Variants in TANC2 observed in about 807,000 individuals in gnomAD.
The protein encoded by TANC2 is tetratricopeptide repeat, ankyrin repeat and coiled-coil containing 2.
A neutral mutation model predicts 210.5 loss-of-function variants in TANC2; 26 were observed. The ratio of observed to expected loss-of-function variants is 0.12; its 90% confidence interval spans 0.09 to 0.17. The LOEUF (loss-of-function observed/expected upper bound fraction) is 0.17. Ranked by LOEUF, TANC2 falls within the 10% of genes least tolerant of loss-of-function variation. TANC2 has a pLI of 1.00. For synonymous variants in TANC2, 931 were observed against 967.1 expected, an observed-to-expected ratio of 0.96 and a Z score of 0.69; for missense variants, 2,129 against 2,608.9, an observed-to-expected ratio of 0.82 and a Z score of 4.01.
At chr17:63,170,751 T>C (rs1420393538) in intron 5 of TANC2, among the ~76,000 whole-genome samples, 1 of 152,206 alleles carries the variant, frequency 6.6e-6, no homozygotes, top group African/African-American at 2.4e-5. Context: ...TATTAACCAG[T>C]TGATTACTTG....
chr17:63,033,312 G>A (rs2034846844), intron 2 of TANC2, among the ~76,000 whole-genome samples: 1 of 152,166 alleles, frequency 6.6e-6, no homozygotes, highest in African/African-American at 2.4e-5. Flanking sequence ...AGTTTCCCCT[G>A]ATTTGATGAT....
intron 8 of TANC2, among the ~76,000 whole-genome samples, chr17:63,262,579 A>G (rs1229926115): frequency 6.6e-6 from 1 of 151,488 alleles, no homozygotes; most frequent in Non-Finnish European, 1.5e-5. Context: ...TTTCCCTGGT[A>G]GGATGTCCTA....
At chr17:63,258,417 A>G (rs1252852204) in intron 8 of TANC2, among the ~76,000 whole-genome samples, 1 of 152,204 alleles carries the variant, frequency 6.6e-6, no homozygotes, top group Non-Finnish European at 1.5e-5. Flanking sequence ...CCCTTTGAAT[A>G]AACATTCTAC....
At chr17:63,261,973 C>T (rs2043370786) in intron 8 of TANC2, among the ~76,000 whole-genome samples, 1 of 152,148 alleles carries the variant, frequency 6.6e-6, no homozygotes, top group Admixed American at 6.5e-5. Context: ...AATTATTCCT[C>T]AAACTCTGAC....
chr17:63,070,975 G>GA (rs1308677494), intron 2 of TANC2, among the ~76,000 whole-genome samples: 1 of 152,128 alleles, frequency 6.6e-6, no homozygotes, highest in Non-Finnish European at 1.5e-5. Context: ...CACTATAGGT[G>GA]AGTTAAAAAT....
chr17:63,055,098 A>G (rs1235868716), intron 2 of TANC2, among the ~76,000 whole-genome samples: 8 of 152,240 alleles, frequency 5.3e-5, no homozygotes, highest in Non-Finnish European at 1.5e-5. Context: ...GTTGCAGGAA[A>G]TAACACATTT....
Position 63,133,767 on chromosome 17 carries a change from A to C in TANC2, c.323-17503A>C, listed in dbSNP as rs569388633. Among the ~76,000 whole-genome samples, 4 of 152,324 alleles carry C rather than the reference A, an allele frequency of 2.6e-5. No homozygotes were observed. In the East Asian group the frequency reaches 7.7e-4, roughly 29 times the overall value. ...GAGTGCATTGTGTATTATTCTCAAA[A>C]CACTATTCTGAGATGATTTTCCTAA... On this transcript the variant is annotated intron_variant, in intron 4 of 27. Transcript: ENST00000689528.
At chr17:63,333,419 T>C (rs1168404960) in intron 11 of TANC2, among the ~76,000 whole-genome samples, 1 of 152,134 alleles carries the variant, frequency 6.6e-6, no homozygotes, top group Non-Finnish European at 1.5e-5. Context: ...AGGACTAGAA[T>C]TGTAAGTGGA....
intron 2 of TANC2, among the ~76,000 whole-genome samples, chr17:63,051,243 C>T (rs2035570886): frequency 6.6e-6 from 1 of 152,086 alleles, no homozygotes. Flanking sequence ...TGCTTCTTAC[C>T]CATACTTTCT....
At chr17:63,351,921 T>G (rs759998579) in intron 13 of TANC2, among the ~76,000 whole-genome samples, 36 of 152,262 alleles carry the variant, frequency 2.4e-4, no homozygotes, top group Non-Finnish European at 4.7e-4. Context: ...AGATTAAATT[T>G]ACTACAACTG....
At chr17:63,319,186 G>T in intron 11 of TANC2, 96 bp downstream of exon 11, 1 of 1,268,792 alleles carries the variant, frequency 7.9e-7, no homozygotes, top group Non-Finnish European at 1.1e-6. Flanking sequence ...ACAAAAATAC[G>T]TAAAGCTATA....
At chr17:63,170,624 A>G (rs913656565) in intron 5 of TANC2, among the ~76,000 whole-genome samples, 13 of 152,140 alleles carry the variant, frequency 8.5e-5, no homozygotes, top group Non-Finnish European at 1.5e-4. Context: ...TGTGCTCACA[A>G]TGAAGCTAGA....
intron 3 of TANC2, among the ~76,000 whole-genome samples, chr17:63,096,991 C>T (rs886121626): frequency 2.7e-5 from 4 of 150,404 alleles, no homozygotes; most frequent in African/African-American, 9.7e-5. Flanking sequence ...TTCTTGTTGG[C>T]CATTTGTGTA....
At chr17:63,255,327 T>A in intron 8 of TANC2, among the ~76,000 whole-genome samples, 1 of 151,914 alleles carries the variant, frequency 6.6e-6, no homozygotes, top group East Asian at 1.9e-4. Flanking sequence ...TGACCTTGTT[T>A]GTGATCCGCC....
At chr17:63,130,316 A>G (rs969553489) in intron 4 of TANC2, among the ~76,000 whole-genome samples, 1 of 152,156 alleles carries the variant, frequency 6.6e-6, no homozygotes, top group Non-Finnish European at 1.5e-5. Flanking sequence ...GACCAAGACC[A>G]GCCTGGCCAA....
intron 2 of TANC2, among the ~76,000 whole-genome samples, chr17:63,067,326 A>T (rs1248831569): frequency 6.6e-6 from 1 of 152,184 alleles, no homozygotes; most frequent in African/African-American, 2.4e-5. Flanking sequence ...TAATGCAACT[A>T]TTATAAAAAT....
At chr17:63,348,151 T>C (rs912056237) in intron 12 of TANC2, among the ~76,000 whole-genome samples, 6 of 152,218 alleles carry the variant, frequency 3.9e-5, no homozygotes, top group African/African-American at 1.4e-4. Context: ...TTGTCTGATA[T>C]GAGTCTTCTT....
At position 63,342,542 on chromosome 17, in the gene TANC2, C is replaced by T. The variant is rs1418351688; in HGVS notation, c.1807+2210C>T. On this transcript the variant is annotated intron_variant, in intron 12 of 27. Transcript: ENST00000689528. ...TATCCATCCCAGCACTTTGGGAGGC[C>T]GAGGCAGGTGGATCACGAGGTCAGG... Among the ~76,000 whole-genome samples the T allele has an allele frequency of 3.9e-5, 6 of 152,182 alleles. No homozygotes were observed. In the East Asian group the frequency reaches 5.8e-4, roughly 15 times the overall value.
At chr17:63,320,356 G>A (rs2045456572) in intron 11 of TANC2, 3 of 152,082 alleles carry the variant, frequency 2.0e-5, no homozygotes, top group South Asian at 2.1e-4. Context: ...GCTCAGTCTG[G>A]ACCTAGGACA....
Sources: allele counts gnomAD v4.1 joint callset (sites outside exome capture counted in the v4.1 genomes callset), GRCh38; gene constraint gnomAD v4.1.1; transcripts MANE v1.5; gene names NCBI Gene and HGNC (gene_info 2026-07-23, HGNC 2026-07-21).